The following PDE10A variants were observed in gnomAD, a reference collection of about 807,000 sequenced individuals.
The protein encoded by PDE10A is phosphodiesterase 10A.
Under a neutral mutation model 97.7 loss-of-function variants are expected in PDE10A, and 39 were observed. That is an observed-to-expected ratio of 0.40 (90% CI 0.31 to 0.52). PDE10A has a LOEUF of 0.52. PDE10A is among the 20% of genes least tolerant of loss of function. PDE10A has a pLI of 0.56. For synonymous variants in PDE10A, 371 were observed against 376.8 expected (o/e 0.98, Z 0.18); for missense variants, 731 against 1,047.8 (o/e 0.70, Z 4.17).
At chr6:165,831,658 G>A (rs1779920811) in intron 1 of PDE10A, among the ~76,000 whole-genome samples, 1 of 151,546 alleles carries the variant, frequency 6.6e-6, no homozygotes, top group Non-Finnish European at 1.5e-5. Context: ...CTAATTTTTT[G>A]TATTTTTCAG....
At chr6:165,375,987 C>A (rs1042151271) in intron 18 of PDE10A, among the ~76,000 whole-genome samples, 1 of 152,174 alleles carries the variant, frequency 6.6e-6, no homozygotes, top group Non-Finnish European at 1.5e-5. Context: ...CACTCAAGAG[C>A]TCTGATGGAC....
At chr6:165,441,775 A>G (rs751973763) in intron 5 of PDE10A, among the ~76,000 whole-genome samples, 4 of 152,266 alleles carry the variant, frequency 2.6e-5, no homozygotes, top group Admixed American at 6.5e-5. Flanking sequence ...GTGCCTGGTG[A>G]TGACTGGGGC....
At chr6:165,705,065 T>C (rs574471343) in intron 1 of PDE10A, among the ~76,000 whole-genome samples, 1 of 152,208 alleles carries the variant, frequency 6.6e-6, no homozygotes, top group African/African-American at 2.4e-5. Flanking sequence ...AGGGTGCTTC[T>C]TGTGGTACCA....
chr6:165,764,579 T>A (rs549545952), intron 1 of PDE10A, among the ~76,000 whole-genome samples: 2 of 152,160 alleles, frequency 1.3e-5, no homozygotes, highest in South Asian at 4.2e-4. Flanking sequence ...GTTTGTGGTC[T>A]TGCTGGCTCA....
chr6:165,881,506 CTGCCT>C (rs1242080828), intron 1 of PDE10A, among the ~76,000 whole-genome samples: 1 of 150,952 alleles, frequency 6.6e-6, no homozygotes, highest in African/African-American at 2.4e-5. Context: ...GGTGATTCTC[CTGCCT>C]CAGCCTCCTG....
chr6:165,476,509 G>C (rs1168117218), intron 3 of PDE10A, among the ~76,000 whole-genome samples: 1 of 152,102 alleles, frequency 6.6e-6, no homozygotes, highest in Non-Finnish European at 1.5e-5. Flanking sequence ...AAAGAACCAG[G>C]AAAGGAGAAA....
intron 13 of PDE10A, among the ~76,000 whole-genome samples, chr6:165,401,544 G>A (rs142952398): frequency 1.1e-4 from 17 of 152,266 alleles, no homozygotes; most frequent in Admixed American, 7.2e-4. Flanking sequence ...TGCTGCAAAC[G>A]GCAAATCTGT....
In PDE10A at chr6:165,663,171, A is replaced by G. The variant is rs1790381581; in HGVS notation, c.-360T>C. Among the ~76,000 whole-genome samples the G allele has an allele frequency of 6.6e-6, 1 of 151,842 alleles. No individual in the cohort carries two copies. The highest frequency in any genetic ancestry group is 2.1e-4 in the South Asian group (1 of 4,824). ...TGAGCCTCGGCGGCTTCTCGAAAGCAGCGGAGAAAAGCGCCGCAGTGCCGC... is the reference window on the plus strand; with the variant it reads ...TGAGCCTCGGCGGCTTCTCGAAAGCGGCGGAGAAAAGCGCCGCAGTGCCGC... On this transcript the variant is annotated 5_prime_UTR_variant, in exon 1 of 22. Coordinates refer to ENST00000539869, the MANE Select transcript of PDE10A (RefSeq NM_001385079.1).
chr6:165,719,950 A>G (rs965509679), intron 1 of PDE10A, among the ~76,000 whole-genome samples: 24 of 152,354 alleles, frequency 1.6e-4, no homozygotes, highest in African/African-American at 5.8e-4. Context: ...GCCAATAATC[A>G]TGATCTCATC....
At chr6:165,873,238 T>C (rs1277396894) in intron 1 of PDE10A, among the ~76,000 whole-genome samples, 2 of 152,120 alleles carry the variant, frequency 1.3e-5, no homozygotes, top group African/African-American at 2.4e-5. Flanking sequence ...AAAATCTCTG[T>C]CCCTCAAACA....
chr6:165,808,493 C>G (rs192437624), intron 1 of PDE10A, among the ~76,000 whole-genome samples: 2 of 152,192 alleles, frequency 1.3e-5, no homozygotes, highest in African/African-American at 4.8e-5. Context: ...TTTTCCATGT[C>G]CTAAGCCCCA....
At chr6:165,513,268 T>C (rs1781603536) in intron 2 of PDE10A, among the ~76,000 whole-genome samples, 1 of 152,072 alleles carries the variant, frequency 6.6e-6, no homozygotes, top group East Asian at 1.9e-4. Context: ...ATATAATGTA[T>C]GAATATATAA....
At chr6:165,345,854 A>T (rs1318711506) in intron 18 of PDE10A, among the ~76,000 whole-genome samples, 1 of 152,212 alleles carries the variant, frequency 6.6e-6, no homozygotes, top group Non-Finnish European at 1.5e-5. Flanking sequence ...ACTTTCATGA[A>T]GCAAGTGCTG....
At chr6:165,877,687 G>T (rs1286766295) in intron 1 of PDE10A, among the ~76,000 whole-genome samples, 1 of 152,074 alleles carries the variant, frequency 6.6e-6, no homozygotes, top group Non-Finnish European at 1.5e-5. Flanking sequence ...TTATCTTAAT[G>T]TGATTTTTTA....
chr6:165,718,526 A>C (rs911621759), intron 1 of PDE10A, among the ~76,000 whole-genome samples: 3 of 152,178 alleles, frequency 2.0e-5, no homozygotes, highest in African/African-American at 7.2e-5. Flanking sequence ...AACAGGATGC[A>C]ATGAGAATCA....
intron 18 of PDE10A, among the ~76,000 whole-genome samples, chr6:165,370,859 C>A (rs1367500354): frequency 6.7e-6 from 1 of 149,974 alleles, no homozygotes; most frequent in South Asian, 2.1e-4. Context: ...TGTAAAAGAA[C>A]AGAAATTATA....
At chr6:165,843,580 C>T (rs76500547) in intron 1 of PDE10A, among the ~76,000 whole-genome samples, 1 of 152,138 alleles carries the variant, frequency 6.6e-6, no homozygotes, top group Non-Finnish European at 1.5e-5. Flanking sequence ...GACGGACAGG[C>T]TCCCTGAAGC....
intron 1 of PDE10A, among the ~76,000 whole-genome samples, chr6:165,719,647 A>G (rs76539762): frequency 0.01 from 1,597 of 152,150 alleles, 32 homozygotes; most frequent in African/African-American, 0.037. Flanking sequence ...GGTGTAACCC[A>G]GGTGGGTGGT....
At chr6:165,600,429 C>T (rs1421624761) in intron 1 of PDE10A, among the ~76,000 whole-genome samples, 2 of 152,262 alleles carry the variant, frequency 1.3e-5, no homozygotes, top group African/African-American at 2.4e-5. Flanking sequence ...TTTGAGGACG[C>T]TTGCTTCTTT....
Sources: gnomAD v4.1 joint callset for allele counts (sites outside exome capture counted in the v4.1 genomes callset) on GRCh38, gnomAD v4.1.1 for gene constraint, MANE v1.5 for transcripts, NCBI Gene and HGNC (gene_info 2026-07-23, HGNC 2026-07-21) for gene names.